Variants in SEMA5A observed in about 807,000 individuals in gnomAD.
The protein encoded by SEMA5A is semaphorin 5A, also known as semaphorin-5A.
SEMA5A carries 55 observed loss-of-function variants against 135.5 expected under a neutral mutation model. The ratio of observed to expected loss-of-function variants is 0.41; its 90% CI spans 0.33 to 0.51. The LOEUF (loss-of-function observed/expected upper bound fraction) is 0.51. Ranked by LOEUF, SEMA5A falls within the 20% of genes least tolerant of loss-of-function variation. SEMA5A has a pLI of 0.37. For synonymous variants in SEMA5A, 580 were observed against 546.5 expected, an observed-to-expected ratio of 1.06 and a Z score of -0.85; for missense variants, 1,290 against 1,419.9, an observed-to-expected ratio of 0.91 and a Z score of 1.47.
intron 7 of SEMA5A, 87 bp downstream of exon 7, chr5:9,226,782 T>C (rs1448727636): frequency 4.9e-6 from 5 of 1,023,062 alleles, no homozygotes; most frequent in African/African-American, 1.6e-5. Context: ...CCTTGGTGTA[T>C]AGAAATTCAT....
intron 4 of SEMA5A, among the ~76,000 whole-genome samples, chr5:9,331,340 G>A (rs1309500310): frequency 6.6e-6 from 1 of 152,132 alleles, no homozygotes; most frequent in East Asian, 1.9e-4. Flanking sequence ...TTGTAAAGAA[G>A]AAACTCATTA....
In SEMA5A at chr5:9,340,187, G is replaced by C. The variant is rs532343686; in HGVS notation, c.125-2375C>G. ...TAGAAATGTCCATAAAGATGTTCTAGTTCAGGAGGTTCATCATTCAGATGG... is the reference window on the plus strand; with the variant it reads ...TAGAAATGTCCATAAAGATGTTCTACTTCAGGAGGTTCATCATTCAGATGG... On this transcript the variant is annotated intron_variant, in intron 3 of 22. Transcript: ENST00000382496. 8.5e-5 allele frequency among the ~76,000 whole-genome samples: 13 copies of C among 152,310 alleles called. No individual in the cohort carries two copies. In the South Asian group the frequency reaches 2.7e-3, roughly 32 times the overall value.
At chr5:9,458,585 C>T (rs1158054605) in intron 1 of SEMA5A, among the ~76,000 whole-genome samples, 1 of 152,170 alleles carries the variant, frequency 6.6e-6, no homozygotes, top group Admixed American at 6.5e-5. Context: ...CCCAGCAAGC[C>T]ACACAAGATG....
chr5:9,412,104 G>C (rs1199618570), intron 2 of SEMA5A, among the ~76,000 whole-genome samples: 1 of 152,018 alleles, frequency 6.6e-6, no homozygotes, highest in African/African-American at 2.4e-5. Flanking sequence ...TCAGGACTAG[G>C]GCATTTGTTT....
Position 9,039,755 on chromosome 5 carries a change from G to A in SEMA5A, c.*3142C>T, listed in dbSNP as rs181830771. On this transcript the variant is annotated 3_prime_UTR_variant, in exon 23 of 23. Transcript: ENST00000382496. ...GACCACGTGCCCCCTGAGTTCCTTA[G>A]AATTCACTAAGTCCATATCATTCAG... The A allele has an allele frequency of 1.3e-5, 2 of 152,358 alleles. No individual in the cohort carries two copies. The highest frequency in any genetic ancestry group is 1.3e-4 in the Admixed American group (2 of 15,292). The allele number at this position is 152,358 out of a possible 1,614,324, so 9.4% of individuals were successfully genotyped here. A position where few individuals can be genotyped will look rare whatever the true frequency, so the allele number is the denominator to read the frequency against.
At chr5:9,300,965 AT>A (rs555352633) in intron 5 of SEMA5A, among the ~76,000 whole-genome samples, 376 of 152,302 alleles carry the variant, frequency 2.5e-3, no homozygotes, top group Middle Eastern at 0.01. Flanking sequence ...AAAAGGATAG[AT>A]TTTAGTTGTT....
In SEMA5A at chr5:9,122,759, C is replaced by G; in HGVS notation, c.1678G>C (p.Val560Leu). 1.9e-6 allele frequency: 3 copies of G among 1,613,598 alleles called. No homozygotes were observed. Among genetic ancestry groups the G allele is most frequent in the South Asian group, 1.1e-5 (1 of 91,022 alleles). Residue 560 changes from valine (V) to leucine (L), a missense_variant, in exon 14 of 23, where the codon GTG becomes CTG. Physicochemically the swap from Val to Leu is conservative, Grantham distance 32. Around this residue, in one of 3 missense-constraint regions of SEMA5A, gnomAD observed 1,029 missense variants for 1,086.6 expected, o/e 0.95. Transcript: ENST00000382496. ...TPCTHTDGSA[V>L]GSCLCRTRSC... is the part of the protein sequence containing the mutation. ...CGGGTTCGACAGAGGCAGGATCCCA[C>G]GGCGCTGCCATCTGTGTGCGTGCAA...
At chr5:9,157,785 G>GT (rs889553929) in intron 11 of SEMA5A, among the ~76,000 whole-genome samples, 2 of 152,220 alleles carry the variant, frequency 1.3e-5, no homozygotes, top group Admixed American at 6.5e-5. Flanking sequence ...AAATGACAAT[G>GT]TTATTTTCTT....
At chr5:9,349,876 C>T (rs759778841) in intron 3 of SEMA5A, among the ~76,000 whole-genome samples, 11 of 151,760 alleles carry the variant, frequency 7.2e-5, no homozygotes, top group South Asian at 6.3e-4. Context: ...CACTCCAGCC[C>T]GGGCAACTGA....
chr5:9,199,351 C>G (rs1475246357), intron 9 of SEMA5A, among the ~76,000 whole-genome samples: 1 of 152,180 alleles, frequency 6.6e-6, no homozygotes, highest in Non-Finnish European at 1.5e-5. Flanking sequence ...GCCCCTCTAC[C>G]CTTTCACTTG....
At chr5:9,482,147 G>A (rs1040844450) in intron 1 of SEMA5A, among the ~76,000 whole-genome samples, 1 of 152,134 alleles carries the variant, frequency 6.6e-6, no homozygotes, top group African/African-American at 2.4e-5. Context: ...AGTACAGAGT[G>A]GGATGCCCGT....
At chr5:9,418,222 C>T (rs183656770) in intron 2 of SEMA5A, among the ~76,000 whole-genome samples, 19 of 152,108 alleles carry the variant, frequency 1.2e-4, no homozygotes, top group African/African-American at 4.3e-4. Flanking sequence ...GTGATCCACC[C>T]GCCTTGGCCT....
At chr5:9,178,197 AT>A (rs564641666) in intron 11 of SEMA5A, among the ~76,000 whole-genome samples, 191 of 152,342 alleles carry the variant, frequency 1.3e-3, no homozygotes, top group Admixed American at 4.2e-3. Context: ...TTGTTTAAAA[AT>A]ATTCTCATCA....
At chr5:9,087,852 A>C (rs1738789842) in intron 16 of SEMA5A, among the ~76,000 whole-genome samples, 1 of 152,186 alleles carries the variant, frequency 6.6e-6, no homozygotes, top group Non-Finnish European at 1.5e-5. Context: ...TGTACCATGG[A>C]TAAATGTTTT....
At chr5:9,172,785 G>T (rs1470949523) in intron 11 of SEMA5A, among the ~76,000 whole-genome samples, 3 of 152,130 alleles carry the variant, frequency 2.0e-5, no homozygotes, top group African/African-American at 7.2e-5. Context: ...TTATAAGAAA[G>T]AAATCTTCAG....
chr5:9,233,564 C>A (rs1424140085), intron 6 of SEMA5A, among the ~76,000 whole-genome samples: 21 of 152,106 alleles, frequency 1.4e-4, no homozygotes, highest in Admixed American at 1.4e-3. Context: ...AGAATTCAAA[C>A]TTTACAAGGG....
intron 1 of SEMA5A, among the ~76,000 whole-genome samples, chr5:9,532,305 G>A (rs1200727412): frequency 2.7e-5 from 4 of 150,916 alleles, no homozygotes; most frequent in Non-Finnish European, 5.9e-5. Context: ...TCGCTCTATC[G>A]CCCAGGCTGG....
intron 1 of SEMA5A, among the ~76,000 whole-genome samples, chr5:9,531,622 T>G (rs992009947): frequency 6.6e-6 from 1 of 152,110 alleles, no homozygotes; most frequent in Non-Finnish European, 1.5e-5. Flanking sequence ...AGGGTTTGAT[T>G]GAATTGAACC....
chr5:9,056,420 C>G (rs1296346469), intron 18 of SEMA5A, among the ~76,000 whole-genome samples: 1 of 152,042 alleles, frequency 6.6e-6, no homozygotes. Context: ...GTGGAGGGTC[C>G]TCAAAAAATT....
Sources: gnomAD v4.1 joint callset for allele counts (sites outside exome capture counted in the v4.1 genomes callset) on GRCh38, gnomAD v4.1.1 for gene constraint, gnomAD v4.1.1 regional missense constraint, MANE v1.5 for transcripts, NCBI Gene and HGNC (gene_info 2026-07-23, HGNC 2026-07-21) for gene names.